SPAG1: variants seen among roughly 807,000 people sequenced by gnomAD.
The protein encoded by SPAG1 is sperm-associated antigen 1.
Under a neutral mutation model 100.5 loss-of-function variants are expected in SPAG1, and 69 were observed. The observed-to-expected ratio is 0.69, with a 90% CI of 0.57 to 0.84. The LOEUF is 0.84. Ranked by LOEUF, SPAG1 falls within the 40% of genes least tolerant of loss-of-function variation. The pLI is 0.00. For synonymous variants in SPAG1, 336 were observed against 411.6 expected (o/e 0.82, Z 2.22); for missense variants, 955 against 1,133.1 (o/e 0.84, Z 2.26).
At chr8:100,211,114 C>T (rs1278739318) in intron 10 of SPAG1, among the ~76,000 whole-genome samples, 2 of 152,102 alleles carry the variant, frequency 1.3e-5, no homozygotes, top group Admixed American at 6.6e-5. Flanking sequence ...GCATGAGCCA[C>T]CGTGCCCGGC....
Position 100,162,412 on chromosome 8 carries a change from C to T in SPAG1, c.132C>T (p.Cys44=), listed in dbSNP as rs376986262. Residue 44 remains cysteine, a synonymous_variant, in exon 2 of 19, where the codon TGC becomes TGT. Transcript: ENST00000388798. The part of the protein sequence containing the change: ...SDVKHLEKIL[C]VLRSGEEGYY... ...TTAAACATCTGGAAAAAATTCTTTG[C>T]GTGCTCAGGTAAGCATTTTAAAATC... is the stretch of plus-strand genomic sequence containing the variant. 64 of 1,576,892 alleles carry T rather than the reference C, an allele frequency of 4.1e-5. No individual in the cohort carries two copies. The Middle Eastern group carries it at 7.0e-4, about 17-fold the overall frequency.
chr8:100,196,619 A>G (rs1221984297), intron 10 of SPAG1, among the ~76,000 whole-genome samples: 1 of 151,936 alleles, frequency 6.6e-6, no homozygotes, highest in East Asian at 1.9e-4. Flanking sequence ...AAGTCTTAAA[A>G]TTTTTTTGTC....
At chr8:100,220,696 G>C (rs1462288266) in intron 13 of SPAG1, among the ~76,000 whole-genome samples, 1 of 150,244 alleles carries the variant, frequency 6.7e-6, no homozygotes, top group Non-Finnish European at 1.5e-5. Flanking sequence ...ATTTTTTTTT[G>C]GTCTTAGTAA....
In SPAG1 at chr8:100,217,824, C is replaced by T. The variant is rs183892824; in HGVS notation, c.1536-2455C>T. Among the ~76,000 whole-genome samples, 489 of 152,124 alleles carry T rather than the reference C, an allele frequency of 3.2e-3. 2 individuals are homozygous for T. Among genetic ancestry groups the T allele is most frequent in the African/African-American group, 0.011 (457 of 41,476 alleles). On this transcript the variant is annotated intron_variant, in intron 12 of 18. Transcript: ENST00000388798. ...TTGAGACAGAGTCTCACTCTATCAC[C>T]CAGGTTGGAGTGCAATGGCATGATC...
At chr8:100,237,500 T>C (rs1303526984) in intron 16 of SPAG1, among the ~76,000 whole-genome samples, 1 of 152,244 alleles carries the variant, frequency 6.6e-6, no homozygotes, top group Non-Finnish European at 1.5e-5. Flanking sequence ...ATGACATCAA[T>C]GACAGTCTGT....
In SPAG1 at chr8:100,240,403, G is replaced by T. The variant is rs758568364; in HGVS notation, c.2281G>T (p.Val761Leu). 2.7e-5 allele frequency: 43 copies of T among 1,585,698 alleles called. No homozygotes were observed. The highest frequency in any genetic ancestry group is 3.5e-5 in the South Asian group (3 of 86,522). Reference protein sequence around the residue: ...KERRKIEIQEVNEGKEEPGRP... With the variant: ...KERRKIEIQELNEGKEEPGRP... ...ATGCATTTTTCTTTTCTTCATGAAG[G>T]TGAATGAAGGCAAGGAGGAGCCTGG... Residue 761 changes from valine to leucine, a missense_variant and splice_region_variant, in exon 18 of 19, where the codon GTG becomes TTG. Val to Leu is a conservative substitution (Grantham distance 32). Transcript: ENST00000388798.
At chr8:100,223,338 A>G (rs1818363258) in intron 13 of SPAG1, among the ~76,000 whole-genome samples, 1 of 152,052 alleles carries the variant, frequency 6.6e-6, no homozygotes, top group East Asian at 1.9e-4. Flanking sequence ...AGATTGTATT[A>G]TATTTGTTAT....
At chr8:100,210,271 A>G (rs2514680) in intron 10 of SPAG1, among the ~76,000 whole-genome samples, 68,627 of 151,446 alleles carry the variant, frequency 0.45, 16,654 homozygotes, top group African/African-American at 0.62. Flanking sequence ...CATGTATGCA[A>G]TTCTTTACTT....
chr8:100,208,027 GGTGGAA>G (rs1817578706), intron 10 of SPAG1, among the ~76,000 whole-genome samples: 1 of 152,138 alleles, frequency 6.6e-6, no homozygotes, highest in Non-Finnish European at 1.5e-5. Flanking sequence ...GGAATCAAGG[GGTGGAA>G]GTGGAAGTGG....
At chr8:100,168,073 G>A (rs990508017) in intron 3 of SPAG1, among the ~76,000 whole-genome samples, 2 of 152,108 alleles carry the variant, frequency 1.3e-5, no homozygotes, top group Non-Finnish European at 2.9e-5. Flanking sequence ...GATAAGACCC[G>A]CAGTGGATGC....
chr8:100,196,035 G>A (rs1459571450), intron 10 of SPAG1, among the ~76,000 whole-genome samples: 1 of 152,176 alleles, frequency 6.6e-6, no homozygotes, highest in Admixed American at 6.5e-5. Context: ...ATTCATTCAT[G>A]TAGCTGCATG....
chr8:100,232,569 T>G (rs560541358), intron 15 of SPAG1, among the ~76,000 whole-genome samples: 2 of 152,236 alleles, frequency 1.3e-5, no homozygotes, highest in African/African-American at 4.8e-5. Flanking sequence ...CCATCTTCAG[T>G]GTGACCCTTT....
At chr8:100,184,162 T>G in intron 6 of SPAG1, 100 bp downstream of exon 6, 1 of 497,282 alleles carries the variant, frequency 2.0e-6, no homozygotes, top group Non-Finnish European at 3.5e-6. Context: ...ACTGCACAGA[T>G]TACCATGAAA....
intron 12 of SPAG1, among the ~76,000 whole-genome samples, chr8:100,218,106 T>C (rs567949577): frequency 1.3e-5 from 2 of 152,324 alleles, no homozygotes; most frequent in East Asian, 3.9e-4. Flanking sequence ...CTCTGCTTTT[T>C]CTTATCTTTG....
intron 15 of SPAG1, 132 bp from the exon 16 acceptor site, chr8:100,233,279 A>C: frequency 2.1e-6 from 2 of 952,228 alleles, no homozygotes; most frequent in Middle Eastern, 5.2e-4. Flanking sequence ...TCAAATGTTA[A>C]GTTTCAATGG....
chr8:100,241,125 AG>A lies in SPAG1; in HGVS notation c.*104del, dbSNP rs1819255257. The A allele has an allele frequency of 2.1e-5, 25 of 1,211,654 alleles. No homozygotes were observed. In the South Asian group the frequency reaches 2.9e-4, roughly 14 times the overall value. The allele number at this position is 1,211,654 out of a possible 1,614,324, so 75.1% of individuals were successfully genotyped here. ...GCATGGATAAAACTTGGCCTAGAAA[AG>A]TTTGGTCTGCACTATAAAACATTTT... is the stretch of plus-strand genomic sequence containing the variant. On this transcript the variant is annotated 3_prime_UTR_variant, in exon 19 of 19. Transcript: ENST00000388798. This position sits in a 1 kb window ranked among gnomAD's most constrained non-coding sequence, Gnocchi z 5.1.
intron 10 of SPAG1, 120 bp from the exon 11 acceptor site, chr8:100,212,970 C>T: frequency 1.3e-6 from 1 of 773,214 alleles, no homozygotes; most frequent in South Asian, 2.4e-5. Context: ...AGGGGCGGTG[C>T]CCGAGCCGGC....
chr8:100,206,296 T>C (rs1817515266), intron 10 of SPAG1, among the ~76,000 whole-genome samples: 1 of 152,178 alleles, frequency 6.6e-6, no homozygotes, highest in Non-Finnish European at 1.5e-5. Flanking sequence ...TTCCTGTCCA[T>C]AAGGCCCACC....
At chr8:100,205,809 G>A (rs1817481421) in intron 10 of SPAG1, among the ~76,000 whole-genome samples, 1 of 151,904 alleles carries the variant, frequency 6.6e-6, no homozygotes, top group South Asian at 2.1e-4. Context: ...GAGGTCAAGA[G>A]ATCGAGACCA....
Sources: gnomAD v4.1 joint callset for allele counts (sites outside exome capture counted in the v4.1 genomes callset) on GRCh38, gnomAD v4.1.1 for gene constraint, Gnocchi (gnomAD v3.1) non-coding constraint, MANE v1.5 for transcripts, NCBI Gene and HGNC (gene_info 2026-07-23, HGNC 2026-07-21) for gene names.